DCX: variants seen among roughly 807,000 people sequenced by gnomAD.
The protein encoded by DCX is doublecortin.
DCX carries 4 observed loss-of-function variants against 20.9 expected under a neutral mutation model. The ratio of observed to expected loss-of-function variants is 0.19; its 90% confidence interval spans 0.09 to 0.44. DCX has a LOEUF of 0.44. DCX is among the 20% of genes least tolerant of loss of function. The pLI is 0.99. For missense variants in DCX, 133 were observed against 296.9 expected (o/e 0.45, Z 4.06); for synonymous variants, 103 against 111.4 (o/e 0.92, Z 0.47).
At chrX:111,371,949 C>T (rs1317054564) in intron 3 of DCX, among the ~76,000 whole-genome samples, 2 of 109,885 alleles carry the variant, frequency 1.8e-5, no homozygotes, top group Non-Finnish European at 3.8e-5. Context: ...CACACACACA[C>T]ACACACACAC....
At chrX:111,398,374 T>C (rs1927506071) in intron 3 of DCX, among the ~76,000 whole-genome samples, 2 of 110,757 alleles carry the variant, frequency 1.8e-5, no homozygotes, top group South Asian at 3.9e-4. Flanking sequence ...GGATTGCTTT[T>C]ACCCTCCTTA....
chrX:111,369,579 G>A (rs1056412511), intron 3 of DCX, among the ~76,000 whole-genome samples: 8 of 111,597 alleles, frequency 7.2e-5, no homozygotes, highest in South Asian at 3.8e-4. Context: ...TCCCAAAAGG[G>A]GTGTTTTCAG....
At position 111,408,691 on chromosome X, in the gene DCX, AAAGG is replaced by A. The variant is rs1220241492; in HGVS notation, c.364+1340_364+1343del. Among the ~76,000 whole-genome samples, 123 of 103,306 alleles carry A rather than the reference AAAGG, an allele frequency of 1.2e-3. 1 individual carries two copies. Among genetic ancestry groups the A allele is most frequent in the South Asian group, 5.9e-3 (14 of 2,383 alleles). 89.7% of individuals were successfully genotyped at this position (103,306 alleles called of 115,157 possible). Reference sequence around the variant, plus strand: ...GAAAGAAAGAAAGAAAGAAAGAAAGAAAGGAAGGAAGTCGAACTTGAACCTTGAG... The same window carrying A: ...GAAAGAAAGAAAGAAAGAAAGAAAGAAAGGAAGTCGAACTTGAACCTTGAG... On this transcript the variant is annotated intron_variant, in intron 2 of 6. Transcript: ENST00000636035.
At chrX:111,410,865 C>A (rs779227493) in intron 1 of DCX, 1 of 1,211,230 alleles carries the variant, frequency 8.3e-7, no homozygotes, top group South Asian at 1.8e-5. Context: ...CATAGCCTGA[C>A]AAAATTCCCC....
chrX:111,343,144 T>C (rs1922445009), intron 3 of DCX, among the ~76,000 whole-genome samples: 1 of 105,909 alleles, frequency 9.4e-6, no homozygotes, highest in Non-Finnish European at 1.9e-5. Context: ...TGGGTTTTTT[T>C]TTTTTTAATT....
intron 3 of DCX, among the ~76,000 whole-genome samples, chrX:111,368,901 T>TATATATACACACAC (rs1467693516): frequency 1.0e-5 from 1 of 98,265 alleles, no homozygotes; most frequent in African/African-American, 3.8e-5. Context: ...TATATATACA[T>TATATATACACACAC]ACACACACAC....
At chrX:111,319,389 G>C (rs147257121) in intron 5 of DCX, among the ~76,000 whole-genome samples, 2,327 of 111,148 alleles carry the variant, frequency 0.021, 76 homozygotes, top group African/African-American at 0.073. Flanking sequence ...CTAGAGGCCA[G>C]ATAAGCATAG....
chrX:111,379,630 T>C (rs903794250), intron 3 of DCX, among the ~76,000 whole-genome samples: 1 of 111,994 alleles, frequency 8.9e-6, no homozygotes, highest in African/African-American at 3.2e-5. Context: ...GGGAATTTAG[T>C]TTGTTTTCAC....
chrX:111,400,850 T>C, intron 3 of DCX, 140 bp downstream of exon 3: 1 of 583,735 alleles, frequency 1.7e-6, no homozygotes, highest in South Asian at 3.0e-5. Flanking sequence ...ATACCTTTTC[T>C]CCAAATGAAA....
At chrX:111,301,836 T>A (rs772421201) in intron 6 of DCX, 93 bp from the exon 7 acceptor site, 1 of 787,979 alleles carries the variant, frequency 1.3e-6, no homozygotes, top group Admixed American at 2.5e-5. Flanking sequence ...AATACTTTAA[T>A]TTTTACAACA....
chrX:111,302,723 T>G (rs1179679903), intron 6 of DCX, among the ~76,000 whole-genome samples: 1 of 112,757 alleles, frequency 8.9e-6, no homozygotes, highest in Non-Finnish European at 1.9e-5. Flanking sequence ...GTTTAACATC[T>G]TTTCATGTGC....
intron 3 of DCX, among the ~76,000 whole-genome samples, chrX:111,347,778 G>A (rs1922959279): frequency 9.1e-6 from 1 of 110,429 alleles, no homozygotes; most frequent in Admixed American, 9.7e-5. Flanking sequence ...TAAACTTTTC[G>A]AATAGATCGT....
rs140906087 is a variant in DCX, at chrX:111,333,811, C to G, written c.706-658G>C. ...GAGCCATGTTCCCAGGACCCTCATG[C>G]CTGCTAGCATCCTAAGCATTACTGC... On this transcript the variant is annotated intron_variant, in intron 3 of 6. Transcript: ENST00000636035. Among the ~76,000 whole-genome samples, 178 of 111,704 alleles carry G rather than the reference C, an allele frequency of 1.6e-3. 1 individual carries two copies. Among genetic ancestry groups the G allele is most frequent in the African/African-American group, 5.3e-3 (162 of 30,762 alleles).
At chrX:111,396,461 T>C (rs1389341521) in intron 3 of DCX, among the ~76,000 whole-genome samples, 1 of 111,996 alleles carries the variant, frequency 8.9e-6, no homozygotes, top group Non-Finnish European at 1.9e-5. Context: ...TGTCAATCAG[T>C]GTAGCATGAA....
chrX:111,346,926 T>C lies in DCX; in HGVS notation c.706-13773A>G, dbSNP rs760420220. On this transcript the variant is annotated intron_variant, in intron 3 of 6. Transcript: ENST00000636035. ...GCCAAAAGGCCTTTTAAAATACTTA[T>C]TCTGACATATTACAGTAACAGAAGT... Among the ~76,000 whole-genome samples, 13 of 111,550 alleles carry C rather than the reference T, an allele frequency of 1.2e-4. No individual in the cohort carries two copies. The East Asian group carries it at 1.7e-3, about 15-fold the overall frequency.
chrX:111,389,951 T>C (rs1926810454), intron 3 of DCX, among the ~76,000 whole-genome samples: 1 of 112,006 alleles, frequency 8.9e-6, no homozygotes, highest in Non-Finnish European at 1.9e-5. Flanking sequence ...TTATGTTTCA[T>C]GGCAAAAGGG....
chrX:111,339,608 C>A (rs769704993), intron 3 of DCX, among the ~76,000 whole-genome samples: 1 of 111,883 alleles, frequency 8.9e-6, no homozygotes, highest in African/African-American at 3.2e-5. Flanking sequence ...TTATAAACAA[C>A]AGACAATTAA....
At chrX:111,368,658 T>C in intron 3 of DCX, among the ~76,000 whole-genome samples, 1 of 110,866 alleles carries the variant, frequency 9.0e-6, no homozygotes, top group East Asian at 2.8e-4. Flanking sequence ...TGAATTCCAC[T>C]TCTTGCCCTG....
At chrX:111,380,881 CT>C (rs1157766385) in intron 3 of DCX, among the ~76,000 whole-genome samples, 1 of 110,001 alleles carries the variant, frequency 9.1e-6, no homozygotes, top group Non-Finnish European at 1.9e-5. Flanking sequence ...ATGATATTAT[CT>C]TTTTTTTGAA....
Sources: allele counts gnomAD v4.1 joint callset (sites outside exome capture counted in the v4.1 genomes callset), GRCh38; gene constraint gnomAD v4.1.1; transcripts MANE v1.5; gene names NCBI Gene and HGNC (gene_info 2026-07-23, HGNC 2026-07-21).